The following MGAT5 variants were observed in gnomAD, a reference collection of about 807,000 sequenced individuals.
MGAT5 encodes the protein alpha-1,6-mannosylglycoprotein 6-beta-N-acetylglucosaminyltransferase.
In MGAT5, 30 loss-of-function variants were observed where a neutral mutation model predicts 94.3. The ratio of observed to expected loss-of-function variants is 0.32; its 90% confidence interval spans 0.24 to 0.43. MGAT5 has a LOEUF of 0.43. MGAT5 is among the 20% of genes least tolerant of loss of function. The pLI, the probability that MGAT5 is intolerant of heterozygous loss-of-function variation, is 1.00. For missense variants in MGAT5, 691 were observed against 905.5 expected (o/e 0.76, Z 3.04); for synonymous variants, 310 against 322.9 (o/e 0.96, Z 0.43).
chr2:134,356,696 T>C (rs570763263), intron 9 of MGAT5, among the ~76,000 whole-genome samples: 1 of 152,342 alleles, frequency 6.6e-6, no homozygotes, highest in Admixed American at 6.5e-5. Flanking sequence ...CTCAAAACCC[T>C]GTCGCTTACT....
chr2:134,294,457 G>C (rs969053058), intron 2 of MGAT5, among the ~76,000 whole-genome samples: 1 of 152,102 alleles, frequency 6.6e-6, no homozygotes, highest in African/African-American at 2.4e-5. Flanking sequence ...GTCTAACCAA[G>C]GATTTTTGTT....
chr2:134,299,871 C>T (rs1685912272), intron 2 of MGAT5, among the ~76,000 whole-genome samples: 1 of 152,192 alleles, frequency 6.6e-6, no homozygotes, highest in Non-Finnish European at 1.5e-5. Context: ...AACCTTGCTG[C>T]TGCTTAAGAA....
At chr2:134,355,891 T>C (rs1466065179) in intron 9 of MGAT5, among the ~76,000 whole-genome samples, 2 of 152,186 alleles carry the variant, frequency 1.3e-5, no homozygotes, top group African/African-American at 4.8e-5. Flanking sequence ...AGATACCCCA[T>C]CCCTGGTTTC....
At chr2:134,303,561 C>T (rs969289786) in intron 2 of MGAT5, among the ~76,000 whole-genome samples, 2 of 151,796 alleles carry the variant, frequency 1.3e-5, no homozygotes, top group Non-Finnish European at 2.9e-5. Flanking sequence ...GATGTGAGGC[C>T]CTTCTGGGGT....
In MGAT5 at chr2:134,453,391, C is replaced by T. The variant is rs1686200545; in HGVS notation, c.*4544C>T. On this transcript the variant is annotated 3_prime_UTR_variant, in exon 16 of 16. Coordinates refer to ENST00000281923, the MANE Select transcript of MGAT5 (RefSeq NM_002410.5). ...AAGGTGACCTTTGGCTAGCCACATA[C>T]TGGACCTTACCCCACTGACGTCTTT... is the stretch of plus-strand genomic sequence containing the variant. 1.3e-5 allele frequency: 2 copies of T among 152,190 alleles called. No individual in the cohort carries two copies. The highest frequency in any genetic ancestry group is 4.8e-5 in the African/African-American group (2 of 41,414). The allele number at this position is 152,190 out of a possible 1,614,324, so 9.4% of individuals were successfully genotyped here.
chr2:134,196,744 G>T (rs1279337853), intron 1 of MGAT5, among the ~76,000 whole-genome samples: 1 of 152,190 alleles, frequency 6.6e-6, no homozygotes, highest in Non-Finnish European at 1.5e-5. Context: ...CTTAAAAAAT[G>T]GAATTTTTTT....
intron 1 of MGAT5, among the ~76,000 whole-genome samples, chr2:134,204,035 C>T (rs145532182): frequency 2.8e-4 from 43 of 152,280 alleles, no homozygotes; most frequent in Admixed American, 7.2e-4. Context: ...TAACAGTGAC[C>T]CTTTGTACAG....
chr2:134,334,404 C>T (rs1688209152), intron 4 of MGAT5, among the ~76,000 whole-genome samples: 1 of 150,246 alleles, frequency 6.7e-6, no homozygotes, highest in African/African-American at 2.4e-5. Flanking sequence ...TCATGCTATT[C>T]CTGGGAAAAC....
At chr2:134,193,895 G>A (rs1445296815) in intron 1 of MGAT5, among the ~76,000 whole-genome samples, 1 of 152,100 alleles carries the variant, frequency 6.6e-6, no homozygotes, top group Non-Finnish European at 1.5e-5. Flanking sequence ...TTGTACTTTT[G>A]TGCATAAAAT....
chr2:134,445,353 A>T (rs547787270), intron 15 of MGAT5, among the ~76,000 whole-genome samples: 70 of 151,974 alleles, frequency 4.6e-4, no homozygotes, highest in Admixed American at 1.5e-3. Context: ...AGCCCAGTGG[A>T]GTCTTTGCCA....
At chr2:134,377,711 CA>C (rs1171709665) in intron 10 of MGAT5, among the ~76,000 whole-genome samples, 1 of 152,206 alleles carries the variant, frequency 6.6e-6, no homozygotes, top group African/African-American at 2.4e-5. Context: ...CTGCTTTCCC[CA>C]GATGATGTGA....
intron 10 of MGAT5, among the ~76,000 whole-genome samples, chr2:134,381,414 A>AT (rs1167344520): frequency 1.3e-4 from 17 of 133,342 alleles, no homozygotes; most frequent in Admixed American, 7.7e-4. Context: ...AGATAGATAG[A>AT]TAGATAGATA....
intron 1 of MGAT5, among the ~76,000 whole-genome samples, chr2:134,209,152 ATTTTTTTTT>A (rs869116395): frequency 4.8e-5 from 1 of 20,774 alleles, no homozygotes; most frequent in South Asian, 2.7e-3. Context: ...TTTTTTTTTT[ATTTTTTTTT>A]TTTTTTTTAT....
Position 134,270,510 on chromosome 2 carries a change from T to C in MGAT5, c.366T>C (p.Ala122=), listed in dbSNP as rs779768770. 10 of 1,614,188 alleles carry C rather than the reference T, an allele frequency of 6.2e-6. No homozygotes were observed. The highest frequency in any genetic ancestry group is 8.5e-6 in the Non-Finnish European group (10 of 1,180,012). The change falls in exon 2 of 16, where the codon GCT becomes GCC. Residue 122 remains alanine, a synonymous_variant. Transcript: ENST00000281923. The part of the protein sequence containing the change: ...TGTNSTNSTT[A]VPSLVALEKI... ...CAAACTCAACCAACTCCACTACAGC[T>C]GTTCCCAGCTTGGTTGCACTTGAGA...
At chr2:134,202,055 C>A (rs962179606) in intron 1 of MGAT5, among the ~76,000 whole-genome samples, 9 of 151,920 alleles carry the variant, frequency 5.9e-5, no homozygotes, top group African/African-American at 1.9e-4. Context: ...AACCACCCAC[C>A]CCAAGAACTT....
chr2:134,428,026 A>G (rs1178702227), intron 13 of MGAT5, among the ~76,000 whole-genome samples: 1 of 152,256 alleles, frequency 6.6e-6, no homozygotes, highest in Non-Finnish European at 1.5e-5. Context: ...CCTGCTAGCA[A>G]GTGATAACTT....
At chr2:134,214,882 T>G (rs1350121898) in intron 1 of MGAT5, among the ~76,000 whole-genome samples, 2 of 152,130 alleles carry the variant, frequency 1.3e-5, no homozygotes, top group African/African-American at 4.8e-5. Flanking sequence ...TTGATGAGTT[T>G]CAAATGGACA....
chr2:134,298,278 T>A (rs6430503), intron 2 of MGAT5, among the ~76,000 whole-genome samples: 146,585 of 152,114 alleles, frequency 0.96, 70,763 homozygotes, highest in East Asian at 1. Flanking sequence ...TTGTATTTTT[T>A]GTAGAGACGA....
At chr2:134,121,571 G>A (rs996866384) in intron 1 of MGAT5, among the ~76,000 whole-genome samples, 1 of 152,140 alleles carries the variant, frequency 6.6e-6, no homozygotes, top group Non-Finnish European at 1.5e-5. Context: ...GGGACCGACT[G>A]CCAGGCCTGG....
Sources: allele counts gnomAD v4.1 joint callset (sites outside exome capture counted in the v4.1 genomes callset), GRCh38; gene constraint gnomAD v4.1.1; transcripts MANE v1.5; gene names NCBI Gene and HGNC (gene_info 2026-07-23, HGNC 2026-07-21).